UBR4: variants seen among roughly 807,000 people sequenced by gnomAD.
The protein encoded by UBR4 is E3 ubiquitin-protein ligase UBR4.
UBR4 carries 124 observed loss-of-function variants against 575.6 expected under a neutral mutation model. That is an observed-to-expected ratio of 0.22 (90% CI 0.19 to 0.25). The LOEUF is 0.25. UBR4 is among the 10% of genes least tolerant of loss of function. The pLI is 1.00. For missense variants in UBR4, 4,818 were observed against 6,478.8 expected (o/e 0.74, Z 8.80); for synonymous variants, 2,455 against 2,473.7 (o/e 0.99, Z 0.22).
At chr1:19,140,231 C>T (rs776025440) in intron 58 of UBR4, among the ~76,000 whole-genome samples, 37 of 148,984 alleles carry the variant, frequency 2.5e-4, no homozygotes, top group Non-Finnish European at 4.9e-4. Context: ...TTTTTTTAAT[C>T]AGATTAGGGA....
chr1:19,090,435 T>A (rs1296834206), intron 97 of UBR4, among the ~76,000 whole-genome samples: 1 of 152,134 alleles, frequency 6.6e-6, no homozygotes, highest in Non-Finnish European at 1.5e-5. Flanking sequence ...TGGATCTCCA[T>A]CGGCAGCTCT....
rs973857335 is a variant in UBR4 at position 19,088,551 on chromosome 1, G to A, written c.14430+208C>T. On this transcript the variant is annotated intron_variant, in intron 98 of 105. Coordinates refer to ENST00000375254, the MANE Select transcript of UBR4 (RefSeq NM_020765.3). The surrounding 1 kb of genome is among the most constrained non-coding windows in gnomAD (Gnocchi z 4.0). Reference sequence around the variant, plus strand: ...CTATTATCACTGGTTTACTGTTTTGGTAAACTTCGTAAGTCACTTACTCCG... The same window carrying A: ...CTATTATCACTGGTTTACTGTTTTGATAAACTTCGTAAGTCACTTACTCCG... 1.3e-5 allele frequency among the ~76,000 whole-genome samples: 2 copies of A among 152,156 alleles called. No homozygotes were observed. Among genetic ancestry groups the A allele is most frequent in the African/African-American group, 4.8e-5 (2 of 41,426 alleles).
Position 19,152,033 on chromosome 1 carries a change from A to G in UBR4, c.6997-174T>C, listed in dbSNP as rs942340551. 6.6e-6 allele frequency among the ~76,000 whole-genome samples: 1 copy of G among 152,190 alleles called. No individual in the cohort carries two copies. Among genetic ancestry groups the G allele is most frequent in the Non-Finnish European group, 1.5e-5 (1 of 68,042 alleles). On this transcript the variant is annotated intron_variant, in intron 47 of 105. Coordinates refer to ENST00000375254, the MANE Select transcript of UBR4 (RefSeq NM_020765.3). The surrounding 1 kb of genome is among the most constrained non-coding windows in gnomAD (Gnocchi z 4.4). ...ATGGGAAAATAGGAAAAGAGAGCAG[A>G]TTCTCTTCAATGTCAGGCTTCCTTC...
At position 19,120,273 on chromosome 1, in the gene UBR4, T is replaced by G. The variant is rs533558331; in HGVS notation, c.10217A>C (p.Glu3406Ala). ...ACAACGCAGGAACTGGATCAGGGTT[T>G]CCTTATCGGCAAATTTGTTCAGCTG... ...VNQLNKFADK[E>A]TLIQFLRCFL... Residue 3406 changes from glutamate to alanine, a missense_variant, in exon 69 of 106, where the codon GAA becomes GCA. By Grantham distance (107) the Glu-to-Ala change is moderately radical. This residue lies in a region of UBR4 where 550 missense variants were observed against 791.5 expected (regional missense o/e 0.69). Transcript: ENST00000375254. The G allele has an allele frequency of 6.2e-7, 1 of 1,614,118 alleles. No individual in the cohort carries two copies. The highest frequency in any genetic ancestry group is 1.1e-5 in the South Asian group (1 of 91,072).
intron 27 of UBR4, among the ~76,000 whole-genome samples, chr1:19,168,482 A>G (rs1200106268): frequency 2.0e-5 from 3 of 152,230 alleles, no homozygotes; most frequent in African/African-American, 7.2e-5. Flanking sequence ...TTTGTCTATA[A>G]TGACTGAGAA....
In UBR4 at chr1:19,146,890, A is replaced by C; in HGVS notation, c.7740T>G (p.Ile2580Met). 1 of 1,614,178 alleles carries C rather than the reference A, an allele frequency of 6.2e-7. No homozygotes were observed. Residue 2580 changes from isoleucine (I) to methionine (M), a missense_variant, in exon 52 of 106, where the codon ATT (isoleucine) becomes ATG (methionine). Physicochemically the swap from Ile to Met is conservative, Grantham distance 10. Transcript: ENST00000375254. ...FQRLVITARS[I>M]AIMRPNNLVH... is the part of the protein sequence containing the mutation. Reference sequence around the variant, plus strand: ...CAAGGTTGTTGGGGCGCATGATGGCAATGGAGCGAGCTGTGATCACTAGCC... The same window carrying C: ...CAAGGTTGTTGGGGCGCATGATGGCCATGGAGCGAGCTGTGATCACTAGCC...
intron 84 of UBR4, 84 bp downstream of exon 84, chr1:19,105,649 C>T (rs2079108651): frequency 9.2e-7 from 1 of 1,085,564 alleles, no homozygotes; most frequent in East Asian, 2.7e-5. Context: ...CCTCTCATTA[C>T]CCTGATCCAT....
At chr1:19,080,917 A>T (rs2076437217) in intron 103 of UBR4, 1 of 164,654 alleles carries the variant, frequency 6.1e-6, no homozygotes, top group Admixed American at 5.6e-5. Context: ...GACGCATGGG[A>T]TAGGAATGTA....
intron 25 of UBR4, 85 bp downstream of exon 25, chr1:19,172,779 A>G (rs2150928979): frequency 1.4e-6 from 2 of 1,401,236 alleles, no homozygotes; most frequent in Non-Finnish European, 2.0e-6. Context: ...CTGAAGAAAG[A>G]GAAAAATGTC....
chr1:19,186,386 C>G (rs2091528753), intron 14 of UBR4, among the ~76,000 whole-genome samples, 154 bp downstream of exon 14: 3 of 152,210 alleles, frequency 2.0e-5, no homozygotes, highest in Admixed American at 6.5e-5. Flanking sequence ...AATAACATGT[C>G]ATCTTTGAAT....
intron 17 of UBR4, 60 bp downstream of exon 17, chr1:19,183,751 T>G (rs2091252012): frequency 6.6e-7 from 1 of 1,522,714 alleles, no homozygotes; most frequent in African/African-American, 1.4e-5. Flanking sequence ...CAATTGGAGC[T>G]GCAGCCTATG....
chr1:19,085,590 T>C (rs903164062), intron 101 of UBR4, among the ~76,000 whole-genome samples: 1 of 152,220 alleles, frequency 6.6e-6, no homozygotes, highest in Non-Finnish European at 1.5e-5. Context: ...GCCTGTTTTA[T>C]GACAGGCATC....
In UBR4 at chr1:19,141,747, G is replaced by C; in HGVS notation, c.8210C>G (p.Ala2737Gly). The change falls in exon 56 of 106, where the codon GCA becomes GGA. Residue 2737 changes from alanine (A) to glycine (G), a missense_variant. By Grantham distance (60) the Ala-to-Gly change is moderately conservative. Coordinates refer to ENST00000375254, the MANE Select transcript of UBR4 (RefSeq NM_020765.3). ...GDKDDDDDDD[A>G]DEKMQSSGIP... ...CCCTGATGACTGCATTTTCTCATCTGCATCATCATCGTCATCATCATCCTT... is the reference window on the plus strand; with the variant it reads ...CCCTGATGACTGCATTTTCTCATCTCCATCATCATCGTCATCATCATCCTT... The C allele has an allele frequency of 6.2e-7, 1 of 1,614,170 alleles. No homozygotes were observed. The highest frequency in any genetic ancestry group is 8.5e-7 in the Non-Finnish European group (1 of 1,180,026).
In UBR4 at chr1:19,115,537, T is replaced by G. The variant is rs767956415; in HGVS notation, c.10924A>C (p.Ile3642Leu). The G allele has an allele frequency of 6.2e-7, 1 of 1,614,176 alleles. No individual in the cohort carries two copies. The highest frequency in any genetic ancestry group is 1.1e-5 in the South Asian group (1 of 91,084). ...TTTTCATAGAAGTCTGCAAACTCAA[T>G]CATCAGATTGGAGGCCACAATGGGC... ...PLPIVASNLM[I>L]EFADFYENYQ... The change falls in exon 74 of 106, where the codon ATT (isoleucine) becomes CTT (leucine). Residue 3642 changes from isoleucine (I) to leucine (L), a missense_variant. By Grantham distance (5) the Ile-to-Leu change is conservative. This residue lies in a region of UBR4 where 550 missense variants were observed against 791.5 expected (regional missense o/e 0.69). Coordinates refer to ENST00000375254, the MANE Select transcript of UBR4 (RefSeq NM_020765.3).
intron 39 of UBR4, among the ~76,000 whole-genome samples, chr1:19,158,447 G>C (rs2086754863): frequency 6.6e-6 from 1 of 151,880 alleles, no homozygotes; most frequent in Non-Finnish European, 1.5e-5. Context: ...ATAAAACCGT[G>C]ACTCATTTTT....
intron 60 of UBR4, 44 bp downstream of exon 60, chr1:19,137,963 C>T (rs754628914): frequency 1.4e-6 from 2 of 1,436,068 alleles, no homozygotes; most frequent in Non-Finnish European, 1.8e-6. Flanking sequence ...CTGAAATAGT[C>T]TCAGATAGGC....
Position 19,138,198 on chromosome 1 carries a change from TA to T in UBR4, c.8732-18del. The T allele has an allele frequency of 6.7e-7, 1 of 1,484,022 alleles. No homozygotes were observed. Among genetic ancestry groups the T allele is most frequent in the South Asian group, 1.4e-5 (1 of 71,054 alleles). 91.9% of individuals were successfully genotyped at this position (1,484,022 alleles called of 1,614,324 possible). On this transcript the variant is annotated intron_variant, in intron 59 of 105. Coordinates refer to ENST00000375254, the MANE Select transcript of UBR4 (RefSeq NM_020765.3). Reference sequence around the variant, plus strand: ...GGCCAGATACTAGAGGGAAATGGTTTAAAAAGCACAAATCAACTCCCAAAGC... The same window carrying T: ...GGCCAGATACTAGAGGGAAATGGTTTAAAAGCACAAATCAACTCCCAAAGC...
intron 32 of UBR4, 137 bp downstream of exon 32, chr1:19,164,662 G>C (rs2087989545): frequency 8.0e-7 from 1 of 1,244,974 alleles, no homozygotes; most frequent in Admixed American, 2.3e-5. Context: ...AGCTACACTA[G>C]AATCCTTGAG....
chr1:19,101,734 A>G, intron 87 of UBR4, 93 bp from the exon 88 acceptor site: 8 of 1,529,638 alleles, frequency 5.2e-6, no homozygotes, highest in East Asian at 2.3e-5. Context: ...CTGACAAATT[A>G]TTTCTGCCTG....
Sources: allele counts gnomAD v4.1 joint callset (sites outside exome capture counted in the v4.1 genomes callset), GRCh38; gene constraint gnomAD v4.1.1; regional missense constraint gnomAD v4.1.1; non-coding constraint Gnocchi (gnomAD v3.1); transcripts MANE v1.5; gene names NCBI Gene and HGNC (gene_info 2026-07-23, HGNC 2026-07-21).